AGT: variants seen among roughly 807,000 people sequenced by gnomAD.
AGT encodes the protein alpha-1 antiproteinase, antitrypsin.
A neutral mutation model predicts 28.1 loss-of-function variants in AGT; 26 were observed. The ratio of observed to expected loss-of-function variants is 0.92; its 90% CI spans 0.68 to 1.28. The LOEUF (loss-of-function observed/expected upper bound fraction) is 1.28, where lower values mean the gene tolerates loss of function less well. AGT is among the 50% of genes most tolerant of loss of function. The pLI is 0.00. For missense variants in AGT, 596 were observed against 592.3 expected, an observed-to-expected ratio of 1.01 and a Z score of -0.06; for synonymous variants, 259 against 259.6, an observed-to-expected ratio of 1.00 and a Z score of 0.02.
At chr1:230,709,901 C>A in intron 2 of AGT, 94 bp downstream of exon 2, 1 of 1,558,196 alleles carries the variant, frequency 6.4e-7, no homozygotes, top group East Asian at 2.2e-5. Context: ...CGCAGGGCTG[C>A]CCCCTGCCCA....
intron 1 of AGT, among the ~76,000 whole-genome samples, chr1:230,724,014 A>G (rs1326886): frequency 0.16 from 23,675 of 152,226 alleles, 2,438 homozygotes; most frequent in East Asian, 0.49. Context: ...TAGCATGAAC[A>G]TTTATCTGTT....
rs368128948 is a variant in AGT, at chr1:230,703,710, T to G, written c.1243-381A>C. On this transcript the variant is annotated intron_variant, in intron 4 of 4. Transcript: ENST00000366667. ...AGAGGGCTCTTCCCGCTGGCCCCCG[T>G]AAGAACTCCCACTTTCTCCCCAGCA... 2.0e-4 allele frequency among the ~76,000 whole-genome samples: 30 copies of G among 152,274 alleles called. 1 individual carries two copies. In the South Asian group the frequency reaches 5.8e-3, roughly 29 times the overall value.
chr1:230,710,806 C>T lies in AGT; in HGVS notation c.18G>A (p.Val6=), dbSNP rs754373392. The change falls in exon 2 of 5, where the codon GTG becomes GTA. Residue 6 remains valine (V), a synonymous_variant. Transcript: ENST00000366667. The part of the protein sequence containing the change: MAPAG[V]SLRATILCLL... ...GGCAGAGGATGGTGGCCCTCAGGCT[C>T]ACACCGGCAGGAGCCATCTCAGACT... is the stretch of plus-strand genomic sequence containing the variant. 1.8e-5 allele frequency: 29 copies of T among 1,614,088 alleles called. No homozygotes were observed. Among genetic ancestry groups the T allele is most frequent in the Admixed American group, 1.2e-4 (7 of 60,030 alleles).
chr1:230,738,705 A>G (rs1664192989), intron 1 of AGT, among the ~76,000 whole-genome samples: 1 of 152,228 alleles, frequency 6.6e-6, no homozygotes, highest in African/African-American at 2.4e-5. Flanking sequence ...CATTAAAAAG[A>G]GAAAATGGAG....
intron 1 of AGT, among the ~76,000 whole-genome samples, chr1:230,728,855 A>G (rs1170546284): frequency 6.6e-6 from 1 of 152,180 alleles, no homozygotes; most frequent in Non-Finnish European, 1.5e-5. Context: ...ACTCCCTGCA[A>G]TCCCTGTCTC....
chr1:230,739,366 T>G, intron 1 of AGT, among the ~76,000 whole-genome samples: 1 of 151,508 alleles, frequency 6.6e-6, no homozygotes, highest in Non-Finnish European at 1.5e-5. Context: ...AAATGTCCAA[T>G]CACAATTTCC....
intron 1 of AGT, among the ~76,000 whole-genome samples, chr1:230,740,702 G>A (rs1664233099): frequency 6.6e-6 from 1 of 152,190 alleles, no homozygotes; most frequent in Admixed American, 6.5e-5. Flanking sequence ...TGTAATCCCA[G>A]CACTTTGGGA....
At chr1:230,726,589 A>T (rs1663946966) in intron 1 of AGT, among the ~76,000 whole-genome samples, 1 of 152,198 alleles carries the variant, frequency 6.6e-6, no homozygotes, top group Non-Finnish European at 1.5e-5. Context: ...ATGTTTAAAA[A>T]AAAACATAGT....
rs779575059 is a variant in AGT at position 230,712,298 on chromosome 1, G to T, written c.-30-1445C>A. ...CAGCTGGCTTCCCTCACCCAGACCC[G>T]TAACCAGCACCTGCCCTCAACACGG... On this transcript the variant is annotated intron_variant, in intron 1 of 4. Coordinates refer to ENST00000366667, the MANE Select transcript of AGT (RefSeq NM_001384479.1). Among the ~76,000 whole-genome samples, 261 of 152,210 alleles carry T rather than the reference G, an allele frequency of 1.7e-3. 4 individuals carry two copies. The highest frequency in any genetic ancestry group is 3.4e-4 in the Non-Finnish European group (23 of 68,010).
chr1:230,741,087 C>T (rs1346383409), intron 1 of AGT, among the ~76,000 whole-genome samples: 2 of 152,174 alleles, frequency 1.3e-5, no homozygotes, highest in Admixed American at 1.3e-4. Context: ...TCGTCTTGGG[C>T]TGAGGTCAAA....
intron 1 of AGT, among the ~76,000 whole-genome samples, chr1:230,721,428 A>T (rs1403627715): frequency 6.6e-6 from 1 of 152,234 alleles, no homozygotes; most frequent in Non-Finnish European, 1.5e-5. Flanking sequence ...CTATTGTGTG[A>T]GTACTATTTG....
At chr1:230,731,458 T>G (rs970493327) in intron 1 of AGT, among the ~76,000 whole-genome samples, 13 of 152,216 alleles carry the variant, frequency 8.5e-5, no homozygotes, top group Non-Finnish European at 1.9e-4. Context: ...CCTGAATCCT[T>G]GCCGTGTGCA....
rs1558287918 is a variant in AGT at position 230,710,208 on chromosome 1, G to C, written c.616C>G (p.Pro206Ala). 1.9e-6 allele frequency: 3 copies of C among 1,613,558 alleles called. No homozygotes were observed. Among genetic ancestry groups the C allele is most frequent in the Non-Finnish European group, 1.7e-6 (2 of 1,179,976 alleles). ...LSTVVGVFTA[P>A]GLHLKQPFVQ... is the part of the protein sequence containing the mutation. ...AACGGCTGCTTCAGGTGCAGGCCTG[G>C]GGCTGTGAACACGCCCACCACCGTG... The change falls in exon 2 of 5, where the codon CCA becomes GCA. Residue 206 changes from proline (P) to alanine (A), a missense_variant. Pro to Ala is a conservative substitution (Grantham distance 27). Coordinates refer to ENST00000366667, the MANE Select transcript of AGT (RefSeq NM_001384479.1).
intron 1 of AGT, among the ~76,000 whole-genome samples, chr1:230,731,121 C>G (rs569945052): frequency 1.3e-5 from 2 of 152,322 alleles, no homozygotes; most frequent in South Asian, 2.1e-4. Context: ...CCTTTAAAAA[C>G]CTTGTGACGA....
chr1:230,733,669 T>A (rs1664106795), intron 1 of AGT, among the ~76,000 whole-genome samples: 1 of 152,220 alleles, frequency 6.6e-6, no homozygotes, highest in South Asian at 2.1e-4. Flanking sequence ...GGCAATGAAG[T>A]TCATTGAGTT....
intron 3 of AGT, 32 bp downstream of exon 3, chr1:230,705,901 C>T (rs1663370508): frequency 2.5e-6 from 4 of 1,612,934 alleles, no homozygotes; most frequent in East Asian, 2.2e-5. Context: ...AGTGTGGCTC[C>T]CACATTCCAG....
intron 1 of AGT, among the ~76,000 whole-genome samples, chr1:230,735,559 G>T (rs1465512908): frequency 6.6e-6 from 1 of 152,046 alleles, no homozygotes; most frequent in African/African-American, 2.4e-5. Context: ...CCTGCCCCTG[G>T]TCTTAGCAGC....
chr1:230,728,430 A>C (rs995442465), intron 1 of AGT, among the ~76,000 whole-genome samples: 1 of 152,142 alleles, frequency 6.6e-6, no homozygotes, highest in African/African-American at 2.4e-5. Context: ...TTTCTCCTAA[A>C]GTTAGCTTGA....
rs376668080 is a variant in AGT at position 230,706,007 on chromosome 1, G to C, written c.1023C>G (p.Ala341=). The C allele has an allele frequency of 6.8e-6, 11 of 1,614,074 alleles. No homozygotes were observed. The highest frequency in any genetic ancestry group is 1.6e-4 in the Middle Eastern group (1 of 6,084). The part of the protein sequence containing the change: ...ACLLLIQPHY[A]SDLDKVEGLT... Reference sequence around the variant, plus strand: ...GACCCTCCACCTTGTCCAGGTCAGAGGCATAGTGAGGCTGGATCAGCAGCA... The same window carrying C: ...GACCCTCCACCTTGTCCAGGTCAGACGCATAGTGAGGCTGGATCAGCAGCA... Residue 341 remains alanine, a synonymous_variant, in exon 3 of 5, where the codon GCC becomes GCG. Coordinates refer to ENST00000366667, the MANE Select transcript of AGT (RefSeq NM_001384479.1).
Sources: allele counts gnomAD v4.1 joint callset (sites outside exome capture counted in the v4.1 genomes callset), GRCh38; gene constraint gnomAD v4.1.1; transcripts MANE v1.5; gene names NCBI Gene and HGNC (gene_info 2026-07-23, HGNC 2026-07-21).